MBNL1: variants seen among roughly 807,000 people sequenced by gnomAD.
MBNL1 encodes muscleblind-like protein 1.
In MBNL1, 8 loss-of-function variants were observed where a neutral mutation model predicts 42.2. The observed-to-expected ratio is 0.19, with a 90% CI of 0.11 to 0.34. MBNL1 has a LOEUF of 0.34. MBNL1 is among the 10% of genes least tolerant of loss of function. MBNL1 has a pLI of 1.00. For missense variants in MBNL1, 309 were observed against 495.3 expected (o/e 0.62, Z 3.57); for synonymous variants, 169 against 173.9 (o/e 0.97, Z 0.22).
chr3:152,371,477 A>G (rs1237155214), intron 2 of MBNL1, among the ~76,000 whole-genome samples: 1 of 152,152 alleles, frequency 6.6e-6, no homozygotes, highest in Non-Finnish European at 1.5e-5. Flanking sequence ...CATGCCTGTA[A>G]TCCCAACTAC....
intron 2 of MBNL1, among the ~76,000 whole-genome samples, chr3:152,405,918 A>G (rs1410239185): frequency 1.3e-5 from 2 of 152,176 alleles, no homozygotes; most frequent in East Asian, 1.9e-4. Flanking sequence ...TTCAGCTACA[A>G]ACAGTTTAGA....
chr3:152,432,958 C>G (rs2153758606), intron 4 of MBNL1, 38 bp downstream of exon 4: 1 of 1,541,358 alleles, frequency 6.5e-7, no homozygotes, highest in Non-Finnish European at 8.9e-7. Context: ...ATACTACATT[C>G]TAATTCTCAA....
At chr3:152,370,184 C>G (rs1191372752) in intron 2 of MBNL1, among the ~76,000 whole-genome samples, 1 of 152,106 alleles carries the variant, frequency 6.6e-6, no homozygotes, top group African/African-American at 2.4e-5. Flanking sequence ...TAGCTGTGTC[C>G]TAGAGATTCT....
chr3:152,328,047 G>A (rs925056393), intron 2 of MBNL1, among the ~76,000 whole-genome samples: 2 of 152,116 alleles, frequency 1.3e-5, no homozygotes, highest in Non-Finnish European at 2.9e-5. Context: ...ATAAGATCCT[G>A]TGCTATTTTA....
Position 152,321,750 on chromosome 3 carries a change from C to T in MBNL1, c.174+21383C>T, listed in dbSNP as rs576969868. Among the ~76,000 whole-genome samples the T allele has an allele frequency of 2.2e-4, 33 of 151,844 alleles. No homozygotes were observed. The South Asian group carries it at 6.6e-3, about 31-fold the overall frequency. Reference sequence around the variant, plus strand: ...TCAAATTTTAAAGGATTTTTTTTTCCTCAGTAATTCTGCCTTTGTGTATTT... The same window carrying T: ...TCAAATTTTAAAGGATTTTTTTTTCTTCAGTAATTCTGCCTTTGTGTATTT... On this transcript the variant is annotated intron_variant, in intron 2 of 9. Transcript: ENST00000324210.
At position 152,382,471 on chromosome 3, in the gene MBNL1, C is replaced by T. The variant is rs1373161280; in HGVS notation, c.175-32470C>T. On this transcript the variant is annotated intron_variant, in intron 2 of 9. Transcript: ENST00000324210. ...TAATGGAAGCAGGACTTTCCTGCCCCTTCCCTAAAGCTTCAAGTAATTTGA... is the reference window on the plus strand; with the variant it reads ...TAATGGAAGCAGGACTTTCCTGCCCTTTCCCTAAAGCTTCAAGTAATTTGA... 4.6e-5 allele frequency among the ~76,000 whole-genome samples: 7 copies of T among 152,122 alleles called. No individual in the cohort carries two copies. In the East Asian group the frequency reaches 1.3e-3, roughly 29 times the overall value.
chr3:152,308,629 G>GT (rs1051133024), intron 2 of MBNL1, among the ~76,000 whole-genome samples: 3 of 152,102 alleles, frequency 2.0e-5, no homozygotes, highest in African/African-American at 7.2e-5. Flanking sequence ...CAGCCTGCCT[G>GT]TTTTTTGAAT....
chr3:152,315,878 T>A (rs2070783203), intron 2 of MBNL1, among the ~76,000 whole-genome samples: 1 of 151,442 alleles, frequency 6.6e-6, no homozygotes, highest in Non-Finnish European at 1.5e-5. Flanking sequence ...TCTCTCTCTC[T>A]CTCTCTCTCA....
At chr3:152,316,221 C>A (rs1239791864) in intron 2 of MBNL1, among the ~76,000 whole-genome samples, 1 of 152,126 alleles carries the variant, frequency 6.6e-6, no homozygotes, top group Non-Finnish European at 1.5e-5. Flanking sequence ...TTATGACTGC[C>A]TTTTAAAAAA....
rs1277849669 is a variant in MBNL1, at chr3:152,286,654, GTTC to G, written c.-789-12748_-789-12746del. ...CAAAATAATTTTATTGTTATAAATT[GTTC>G]TTATTATAAGCAATAAATAAGGAAC... On this transcript the variant is annotated intron_variant, in intron 1 of 9. Transcript: ENST00000324210. 2.3e-4 allele frequency among the ~76,000 whole-genome samples: 34 copies of G among 149,782 alleles called. No individual in the cohort carries two copies. The Admixed American group carries it at 2.3e-3, about 10-fold the overall frequency.
At chr3:152,416,531 T>C (rs1315422460) in intron 3 of MBNL1, among the ~76,000 whole-genome samples, 3 of 152,148 alleles carry the variant, frequency 2.0e-5, no homozygotes, top group African/African-American at 7.2e-5. Context: ...ATCAGACAAG[T>C]CTTTAGGGTG....
intron 2 of MBNL1, among the ~76,000 whole-genome samples, chr3:152,343,393 T>A (rs1414218157): frequency 8.5e-5 from 13 of 152,146 alleles, no homozygotes; most frequent in Admixed American, 8.5e-4. Context: ...CTTCTTGAAT[T>A]CTTGGAGCTC....
intron 2 of MBNL1, among the ~76,000 whole-genome samples, chr3:152,316,453 C>A (rs9819876): frequency 1.5e-3 from 229 of 152,258 alleles, no homozygotes; most frequent in Non-Finnish European, 2.5e-3. Context: ...ATGGCATGCC[C>A]ACTGTGTGCA....
At chr3:152,259,651 C>T (rs905970936) in intron 2 of MBNL1, among the ~76,000 whole-genome samples, 20 of 152,196 alleles carry the variant, frequency 1.3e-4, no homozygotes, top group African/African-American at 4.3e-4. Context: ...GAGCATAGTA[C>T]TAATGATCAG....
At chr3:152,413,625 C>T (rs889620616) in intron 2 of MBNL1, among the ~76,000 whole-genome samples, 4 of 152,184 alleles carry the variant, frequency 2.6e-5, no homozygotes, top group African/African-American at 9.6e-5. Flanking sequence ...AGAATTATGA[C>T]AGATTTTATC....
In MBNL1 at chr3:152,315,724, G is replaced by C. The variant is rs527628914; in HGVS notation, c.174+15357G>C. 3.3e-5 allele frequency among the ~76,000 whole-genome samples: 5 copies of C among 152,212 alleles called. No homozygotes were observed. The South Asian group carries it at 1.0e-3, about 32-fold the overall frequency. Reference sequence around the variant, plus strand: ...TGTTACCTTTTGTTTTAGCAGCTCAGTTGGCTCTAATCCATGGAAAAGTTT... The same window carrying C: ...TGTTACCTTTTGTTTTAGCAGCTCACTTGGCTCTAATCCATGGAAAAGTTT... On this transcript the variant is annotated intron_variant, in intron 2 of 9. Transcript: ENST00000324210.
chr3:152,276,932 G>A (rs1313100549), intron 1 of MBNL1, among the ~76,000 whole-genome samples: 2 of 152,102 alleles, frequency 1.3e-5, no homozygotes, highest in Non-Finnish European at 2.9e-5. Flanking sequence ...GGACATGTAT[G>A]CTGAGAGAAA....
intron 2 of MBNL1, among the ~76,000 whole-genome samples, chr3:152,357,850 G>A (rs2095637119): frequency 2.0e-5 from 3 of 152,202 alleles, no homozygotes; most frequent in Admixed American, 6.5e-5. Flanking sequence ...TTAGAAATAA[G>A]GTTGGCTCAT....
intron 2 of MBNL1, among the ~76,000 whole-genome samples, chr3:152,317,155 T>G (rs1372282517): frequency 6.6e-6 from 1 of 152,168 alleles, no homozygotes; most frequent in Non-Finnish European, 1.5e-5. Context: ...CTACAGATCT[T>G]CCATTCTGCT....
Sources: gnomAD v4.1 joint callset for allele counts (sites outside exome capture counted in the v4.1 genomes callset) on GRCh38, gnomAD v4.1.1 for gene constraint, MANE v1.5 for transcripts, NCBI Gene and HGNC (gene_info 2026-07-23, HGNC 2026-07-21) for gene names.